The following R3HCC1L variants were observed in gnomAD, a reference collection of about 807,000 sequenced individuals.
R3HCC1L encodes coiled-coil domain-containing protein R3HCC1L.
A neutral mutation model predicts 59.9 loss-of-function variants in R3HCC1L; 51 were observed. The ratio of observed to expected loss-of-function variants is 0.85; its 90% CI spans 0.68 to 1.07. The LOEUF is 1.07. R3HCC1L is among the 50% of genes least tolerant of loss of function. The pLI is 0.00. For synonymous variants in R3HCC1L, 322 were observed against 315.2 expected (o/e 1.02, Z -0.23); for missense variants, 965 against 933.0 (o/e 1.03, Z -0.45).
chr10:98,145,268 CAG>C (rs909751576), intron 1 of R3HCC1L, among the ~76,000 whole-genome samples: 12 of 152,090 alleles, frequency 7.9e-5, no homozygotes, highest in African/African-American at 1.9e-4. Flanking sequence ...AATGTGGAAA[CAG>C]AAGTAGGAAT....
chr10:98,146,447 A>G (rs577468481), intron 1 of R3HCC1L, among the ~76,000 whole-genome samples: 1 of 152,006 alleles, frequency 6.6e-6, no homozygotes, highest in South Asian at 2.1e-4. Context: ...CCATTAATCA[A>G]CCTCTTTTTA....
chr10:98,206,253 C>G (rs1554845860), intron 4 of R3HCC1L, among the ~76,000 whole-genome samples: 3 of 151,018 alleles, frequency 2.0e-5, no homozygotes, highest in Non-Finnish European at 4.4e-5. Flanking sequence ...ACCTTGTGAA[C>G]AAATAAAAGC....
intron 4 of R3HCC1L, among the ~76,000 whole-genome samples, chr10:98,172,661 G>GT (rs1368999943): frequency 2.6e-5 from 4 of 152,168 alleles, no homozygotes; most frequent in African/African-American, 7.2e-5. Context: ...ACAGGCAGCC[G>GT]TAACTCTGAA....
At chr10:98,221,657 T>C (rs1854984881) in intron 5 of R3HCC1L, among the ~76,000 whole-genome samples, 1 of 151,966 alleles carries the variant, frequency 6.6e-6, no homozygotes, top group Non-Finnish European at 1.5e-5. Flanking sequence ...ATTGCTTGTT[T>C]TTGTCAGGTT....
chr10:98,186,147 T>C (rs1312095185), intron 4 of R3HCC1L, among the ~76,000 whole-genome samples: 2 of 152,176 alleles, frequency 1.3e-5, no homozygotes, highest in Non-Finnish European at 2.9e-5. Context: ...TTTACTTTCA[T>C]AATTATCGTT....
At chr10:98,196,587 G>A (rs1851459349) in intron 4 of R3HCC1L, among the ~76,000 whole-genome samples, 2 of 152,064 alleles carry the variant, frequency 1.3e-5, no homozygotes, top group Admixed American at 1.3e-4. Flanking sequence ...TAGAGAAAGG[G>A]TTTCTCCTCT....
intron 1 of R3HCC1L, among the ~76,000 whole-genome samples, chr10:98,153,296 G>T (rs1590429261): frequency 6.6e-6 from 1 of 152,258 alleles, no homozygotes; most frequent in East Asian, 1.9e-4. Flanking sequence ...GGATGCTGTT[G>T]ATCTATGACC....
intron 4 of R3HCC1L, among the ~76,000 whole-genome samples, chr10:98,164,841 T>C (rs1404994091): frequency 6.6e-6 from 1 of 152,160 alleles, no homozygotes; most frequent in Non-Finnish European, 1.5e-5. Context: ...TTGTGGGCAA[T>C]TTGAATGGAA....
chr10:98,167,636 A>T (rs1041251612), intron 4 of R3HCC1L, among the ~76,000 whole-genome samples: 1 of 152,240 alleles, frequency 6.6e-6, no homozygotes, highest in South Asian at 2.1e-4. Context: ...TTACCCCAAC[A>T]TAATTTTTAG....
At chr10:98,234,934 T>G (rs1175027169) in intron 7 of R3HCC1L, among the ~76,000 whole-genome samples, 1 of 152,168 alleles carries the variant, frequency 6.6e-6, no homozygotes, top group African/African-American at 2.4e-5. Flanking sequence ...TTCTTACATA[T>G]ACCATTGGCC....
At chr10:98,156,384 G>A (rs923208107) in intron 2 of R3HCC1L, among the ~76,000 whole-genome samples, 3 of 152,128 alleles carry the variant, frequency 2.0e-5, no homozygotes, top group African/African-American at 7.2e-5. Flanking sequence ...GCCTTCTGCT[G>A]CTGGTGCACA....
intron 4 of R3HCC1L, among the ~76,000 whole-genome samples, chr10:98,199,503 G>A (rs551382256): frequency 6.6e-5 from 10 of 151,582 alleles, no homozygotes; most frequent in African/African-American, 2.4e-4. Context: ...AAACAATACT[G>A]TGGCATATGT....
intron 4 of R3HCC1L, among the ~76,000 whole-genome samples, chr10:98,168,511 C>T (rs1590516288): frequency 6.6e-6 from 1 of 152,038 alleles, no homozygotes; most frequent in African/African-American, 2.4e-5. Flanking sequence ...TATTTTGGGA[C>T]CTCCAAGATC....
rs576553339 is a variant in R3HCC1L at position 98,231,508 on chromosome 10, C to A, written c.1786-4C>A. ...CGGCACTTAACGTGCTTCTTCCTTT[C>A]TAGTTATCAGGGAATACCAAGAGCA... On this transcript the variant is annotated splice_region_variant and splice_polypyrimidine_tract_variant and intron_variant, in intron 5 of 9. Coordinates refer to ENST00000298999, the MANE Select transcript of R3HCC1L (RefSeq NM_001351015.2). The A allele has an allele frequency of 6.2e-7, 1 of 1,608,528 alleles. No individual in the cohort carries two copies. Among genetic ancestry groups the A allele is most frequent in the African/African-American group, 1.3e-5 (1 of 74,550 alleles).
intron 4 of R3HCC1L, among the ~76,000 whole-genome samples, chr10:98,183,179 C>A (rs1234108997): frequency 6.6e-6 from 1 of 152,200 alleles, no homozygotes; most frequent in East Asian, 1.9e-4. Context: ...TGGAATGGAC[C>A]ACAAGGCTGA....
chr10:98,242,243 G>C lies in R3HCC1L; in HGVS notation c.2270-1848G>C, dbSNP rs372772708. Reference sequence around the variant, plus strand: ...GTGCCTGTTACTCAAGAGCTACTCAGGAGACTGAGGCATGAGAATTGCTTG... The same window carrying C: ...GTGCCTGTTACTCAAGAGCTACTCACGAGACTGAGGCATGAGAATTGCTTG... On this transcript the variant is annotated intron_variant, in intron 9 of 9. Transcript: ENST00000298999. 1.4e-3 allele frequency among the ~76,000 whole-genome samples: 210 copies of C among 152,220 alleles called. 1 individual carries two copies. Among genetic ancestry groups the C allele is most frequent in the African/African-American group, 4.6e-3 (193 of 41,544 alleles).
chr10:98,201,263 A>G (rs188252588), intron 4 of R3HCC1L, among the ~76,000 whole-genome samples: 71 of 152,302 alleles, frequency 4.7e-4, no homozygotes, highest in African/African-American at 1.7e-3. Context: ...TTGGCATTTA[A>G]ATGTATGAGA....
chr10:98,193,765 A>G (rs1467051287), intron 4 of R3HCC1L, among the ~76,000 whole-genome samples: 4 of 152,090 alleles, frequency 2.6e-5, no homozygotes, highest in Admixed American at 6.6e-5. Context: ...TCAGCACACA[A>G]AAAGTTTTGG....
chr10:98,191,596 T>A (rs1850860151), intron 4 of R3HCC1L, among the ~76,000 whole-genome samples: 1 of 152,236 alleles, frequency 6.6e-6, no homozygotes, highest in African/African-American at 2.4e-5. Flanking sequence ...TCTCCCATTC[T>A]GCAGGTTGCC....
Sources: gnomAD v4.1 joint callset for allele counts (sites outside exome capture counted in the v4.1 genomes callset) on GRCh38, gnomAD v4.1.1 for gene constraint, MANE v1.5 for transcripts, NCBI Gene and HGNC (gene_info 2026-07-23, HGNC 2026-07-21) for gene names.